NEK8: variants seen among roughly 807,000 people sequenced by gnomAD.
NEK8 encodes the protein serine/threonine-protein kinase Nek8.
A neutral mutation model predicts 77.2 loss-of-function variants in NEK8; 51 were observed. That is an observed-to-expected ratio of 0.66 (90% CI 0.53 to 0.83). The LOEUF (loss-of-function observed/expected upper bound fraction) is 0.83. Among genes scored for constraint, NEK8 ranks in the 40% least tolerant of loss-of-function variants. The pLI is 0.00. For synonymous variants in NEK8, 365 were observed against 363.2 expected (o/e 1.00, Z -0.06); for missense variants, 787 against 909.2 (o/e 0.87, Z 1.73).
intron 1 of NEK8, 135 bp downstream of exon 1, chr17:28,728,995 C>A: frequency 2.5e-6 from 2 of 798,810 alleles, no homozygotes; most frequent in African/African-American, 1.7e-5. Flanking sequence ...CCCAAGCTTC[C>A]GGTCCCAGTC....
Position 28,741,257 on chromosome 17 carries a change from G to A in NEK8, c.1891+21G>A, listed in dbSNP as rs768267372. 24 of 1,598,136 alleles carry A rather than the reference G, an allele frequency of 1.5e-5. No homozygotes were observed. Among genetic ancestry groups the A allele is most frequent in the Non-Finnish European group, 2.0e-5 (23 of 1,170,814 alleles). ...GGCAGGTGAGGACTGAGCATGGTGG[G>A]GGCAGACAGTGCCATGAGCAGTGGG... On this transcript the variant is annotated intron_variant, in intron 13 of 14. Coordinates refer to ENST00000268766, the MANE Select transcript of NEK8 (RefSeq NM_178170.3). This position sits in a 1 kb window ranked among gnomAD's most constrained non-coding sequence, Gnocchi z 4.5.
At position 28,741,018 on chromosome 17, in the gene NEK8, G is replaced by A. The variant is rs746042149; in HGVS notation, c.1732+33G>A. On this transcript the variant is annotated intron_variant, in intron 12 of 14. Transcript: ENST00000268766. This position sits in a 1 kb window ranked among gnomAD's most constrained non-coding sequence, Gnocchi z 4.5. ...GGACTTGGGCTCTGGAGGTCAGAGG[G>A]GGACTCACGGTCTCCTTGGTACCCT... 2 of 1,614,174 alleles carry A rather than the reference G, an allele frequency of 1.2e-6. No homozygotes were observed. Among genetic ancestry groups the A allele is most frequent in the South Asian group, 1.1e-5 (1 of 91,084 alleles).
chr17:28,739,501 G>C (rs1223626151), intron 10 of NEK8, among the ~76,000 whole-genome samples: 3 of 152,206 alleles, frequency 2.0e-5, no homozygotes, highest in Non-Finnish European at 4.4e-5. Context: ...CCAGGCTAGA[G>C]TGCAGTGGCG....
chr17:28,742,063 G>A lies in NEK8; in HGVS notation c.*76G>A. On this transcript the variant is annotated 3_prime_UTR_variant, in exon 15 of 15. Transcript: ENST00000268766. ...GCTCTGAAAAGTGCAGGTGCCCAAG[G>A]CATGACTTGCAGCTGTCTCCTGGAT... is the stretch of plus-strand genomic sequence containing the variant. 7.3e-7 allele frequency: 1 copy of A among 1,366,780 alleles called. No homozygotes were observed. The highest frequency in any genetic ancestry group is 1.0e-6 in the Non-Finnish European group (1 of 954,262). The allele number at this position is 1,366,780 out of a possible 1,614,324, so 84.7% of individuals were successfully genotyped here.
Position 28,739,082 on chromosome 17 carries a change from A to G in NEK8, c.1300-2A>G. On this transcript the variant is annotated splice_acceptor_variant, in intron 9 of 14. Transcript: ENST00000268766. LOFTEE classifies it high-confidence loss of function. ...TTTCTCCTTGCTTCCTCTCCTCTCT[A>G]GCCCACCATTGTGGAGGCTTTGCTG... The G allele has an allele frequency of 6.2e-7, 1 of 1,611,458 alleles. No homozygotes were observed. The highest frequency in any genetic ancestry group is 8.5e-7 in the Non-Finnish European group (1 of 1,177,578).
chr17:28,741,524 T>TA lies in NEK8; in HGVS notation c.2003_2004insA (p.Thr669AspfsTer20). On this transcript the variant is annotated frameshift_variant, in exon 14 of 15. Transcript: ENST00000268766. LOFTEE classifies it high-confidence loss of function. This position sits in a 1 kb window ranked among gnomAD's most constrained non-coding sequence, Gnocchi z 4.5. ...TTGGATGAGACACACCCTTACACGG[T>TA]GACTTCCGTGTCCTGTTGCCATGGA... 6.2e-7 allele frequency: 1 copy of TA among 1,614,082 alleles called. No individual in the cohort carries two copies. Among genetic ancestry groups the TA allele is most frequent in the Middle Eastern group, 1.6e-4 (1 of 6,062 alleles).
In NEK8 at chr17:28,741,989, G is replaced by A. The variant is rs753790736; in HGVS notation, c.*2G>A. On this transcript the variant is annotated 3_prime_UTR_variant, in exon 15 of 15. Transcript: ENST00000268766. This position sits in a 1 kb window ranked among gnomAD's most constrained non-coding sequence, Gnocchi z 4.5. ...ACAGATGAGCCGGTCCCCCCCTGAG[G>A]CACCCGGATTCACCTCTGGACCACC... 22 of 1,613,814 alleles carry A rather than the reference G, an allele frequency of 1.4e-5. No individual in the cohort carries two copies. Among genetic ancestry groups the A allele is most frequent in the Non-Finnish European group, 1.6e-5 (19 of 1,179,934 alleles).
rs532850232 is a variant in NEK8 at position 28,734,362 on chromosome 17, C to G, written c.253+174C>G. 4 of 657,722 alleles carry G rather than the reference C, an allele frequency of 6.1e-6. No homozygotes were observed. The African/African-American group carries it at 7.2e-5, about 12-fold the overall frequency. The allele number at this position is 657,722 out of a possible 1,614,324, so 40.7% of individuals were successfully genotyped here. A position where few individuals can be genotyped will look rare whatever the true frequency, so the allele number is the denominator to read the frequency against. On this transcript the variant is annotated intron_variant, in intron 2 of 14. Transcript: ENST00000268766. ...TCCTCTCTGGTCCCAGTGCCCTGTT[C>G]CATACATAAAAGGAGAGGGGTTGTT...
At chr17:28,730,165 T>G (rs917785850) in intron 1 of NEK8, among the ~76,000 whole-genome samples, 2 of 151,912 alleles carry the variant, frequency 1.3e-5, no homozygotes, top group African/African-American at 2.4e-5. Context: ...CAGGCTGGAG[T>G]GTAGTGGCAA....
chr17:28,738,438 T>C (rs949116407), intron 8 of NEK8, among the ~76,000 whole-genome samples, 193 bp downstream of exon 8: 5 of 152,192 alleles, frequency 3.3e-5, no homozygotes, highest in African/African-American at 1.2e-4. Flanking sequence ...GGCAAGGCAG[T>C]TATTATATTA....
Position 28,737,564 on chromosome 17 carries a change from A to G in NEK8, c.827+50A>G, listed in dbSNP as rs1384732106. 6.2e-7 allele frequency: 1 copy of G among 1,613,086 alleles called. No individual in the cohort carries two copies. The highest frequency in any genetic ancestry group is 8.5e-7 in the Non-Finnish European group (1 of 1,179,562). Reference sequence around the variant, plus strand: ...CCTGGGCGGCAGGGTGTGGGCACCCAGTGGGAGCACAGGAGGTCTGAGGCA... The same window carrying G: ...CCTGGGCGGCAGGGTGTGGGCACCCGGTGGGAGCACAGGAGGTCTGAGGCA... On this transcript the variant is annotated intron_variant, in intron 5 of 14. Coordinates refer to ENST00000268766, the MANE Select transcript of NEK8 (RefSeq NM_178170.3). The surrounding 1 kb of genome is among the most constrained non-coding windows in gnomAD (Gnocchi z 4.8).
At position 28,738,944 on chromosome 17, in the gene NEK8, G is replaced by A. The variant is rs934088173; in HGVS notation, c.1300-140G>A. 110 of 850,474 alleles carry A rather than the reference G, an allele frequency of 1.3e-4. No individual in the cohort carries two copies. The Admixed American group carries it at 1.9e-3, about 15-fold the overall frequency. 52.7% of individuals were successfully genotyped at this position (850,474 alleles called of 1,614,324 possible). On this transcript the variant is annotated intron_variant, in intron 9 of 14. Coordinates refer to ENST00000268766, the MANE Select transcript of NEK8 (RefSeq NM_178170.3). Reference sequence around the variant, plus strand: ...AGGCTTCCCCAATGGTTGCCCACCTGGCAGTGTGTATGGCTGGATTTAAAG... The same window carrying A: ...AGGCTTCCCCAATGGTTGCCCACCTAGCAGTGTGTATGGCTGGATTTAAAG...
At chr17:28,731,869 GC>G (rs1567758472) in intron 1 of NEK8, among the ~76,000 whole-genome samples, 1 of 145,036 alleles carries the variant, frequency 6.9e-6, no homozygotes, top group East Asian at 2.0e-4. Flanking sequence ...TCTCCCAAAG[GC>G]CTGGGATTAC....
Position 28,742,812 on chromosome 17 carries a change from C to T in NEK8, c.*825C>T, listed in dbSNP as rs935341899. On this transcript the variant is annotated 3_prime_UTR_variant, in exon 15 of 15. Transcript: ENST00000268766. ...ATAAGGCTGGGTGCGGTGGCTCACG[C>T]CTGTAATTCCAGCACTTTGGGAGGC... The T allele has an allele frequency of 2.6e-5, 4 of 151,766 alleles. No homozygotes were observed. Among genetic ancestry groups the T allele is most frequent in the African/African-American group, 9.7e-5 (4 of 41,292 alleles). The allele number at this position is 151,766 out of a possible 1,614,324, so 9.4% of individuals were successfully genotyped here.
chr17:28,738,768 G>A, intron 9 of NEK8, 21 bp downstream of exon 9: 1 of 1,593,548 alleles, frequency 6.3e-7, no homozygotes. Flanking sequence ...CATATACCTT[G>A]GGAAGGGGAA....
Position 28,728,876 on chromosome 17 carries a change from G to T in NEK8, c.47+16G>T. The stretch of plus-strand genomic sequence containing the variant: ...GTGCCTTCGGGTGAGCCAGGGCTCT[G>T]GGGGAGGAAACTGCTAGGGGATAGG... On this transcript the variant is annotated intron_variant, in intron 1 of 14. Coordinates refer to ENST00000268766, the MANE Select transcript of NEK8 (RefSeq NM_178170.3). 6.5e-7 allele frequency: 1 copy of T among 1,547,550 alleles called. No homozygotes were observed. The highest frequency in any genetic ancestry group is 8.7e-7 in the Non-Finnish European group (1 of 1,143,314).
In NEK8 at chr17:28,740,483, A is replaced by G. The variant is rs779726604; in HGVS notation, c.1438A>G (p.Arg480Gly). ...TGTAGGCAGACTGGGGCTAGGCACC[A>G]GGGAGTCCCACAGCTGCCCCCAGCA... ...GDSGRLGLGTRESHSCPQQVP... is the reference protein window; with the variant it reads ...GDSGRLGLGTGESHSCPQQVP... Residue 480 changes from arginine (R) to glycine (G), a missense_variant, in exon 11 of 15, where the codon AGG (arginine) becomes GGG (glycine). Physicochemically the swap from Arg to Gly is moderately radical, Grantham distance 125 (BLOSUM62 -2). Transcript: ENST00000268766. The surrounding 1 kb of genome is among the most constrained non-coding windows in gnomAD (Gnocchi z 4.7). 6.2e-7 allele frequency: 1 copy of G among 1,614,126 alleles called. No individual in the cohort carries two copies. The highest frequency in any genetic ancestry group is 1.7e-5 in the Admixed American group (1 of 60,020).
chr17:28,734,074 G>A lies in NEK8; in HGVS notation c.139G>A (p.Ala47Thr). ...ACAGATGACCAAGGAAGAGCGGCAG[G>A]CAGCCCAGAATGAGTGCCAGGTCCT... ...VEQMTKEERQ[A>T]AQNECQVLKL... The change falls in exon 2 of 15, where the codon GCA (alanine) becomes ACA (threonine). Residue 47 changes from alanine (A) to threonine (T), a missense_variant. Ala to Thr is a moderately conservative substitution (Grantham distance 58). Transcript: ENST00000268766. 1 of 1,614,218 alleles carries A rather than the reference G, an allele frequency of 6.2e-7. No homozygotes were observed. The highest frequency in any genetic ancestry group is 8.5e-7 in the Non-Finnish European group (1 of 1,180,014).
At chr17:28,736,448 C>G (rs1225990708) in intron 4 of NEK8, among the ~76,000 whole-genome samples, 1 of 152,190 alleles carries the variant, frequency 6.6e-6, no homozygotes, top group Admixed American at 6.5e-5. Context: ...TGTTTCCTGA[C>G]TTTTTAAAGA....
Sources: gnomAD v4.1 joint callset for allele counts (sites outside exome capture counted in the v4.1 genomes callset) on GRCh38, gnomAD v4.1.1 for gene constraint, Gnocchi (gnomAD v3.1) non-coding constraint, MANE v1.5 for transcripts, NCBI Gene and HGNC (gene_info 2026-07-23, HGNC 2026-07-21) for gene names.